Variants in OR6N1 observed in about 807,000 individuals in gnomAD.
OR6N1 encodes olfactory receptor 6N1.
For synonymous variants in OR6N1, 170 were observed against 150.7 expected (o/e 1.13, Z -0.94); for missense variants, 394 against 371.7 (o/e 1.06, Z -0.49).
At chr1:158,831,819 T>C in the OR6N1 span, among the ~76,000 whole-genome samples, 3 of 152,152 alleles carry the variant, frequency 2.0e-5, no homozygotes, top group African/African-American at 7.2e-5. Flanking sequence ...CATAAATTGA[T>C]ATTTAGAGGA....
the OR6N1 span, among the ~76,000 whole-genome samples, chr1:158,804,193 G>A: frequency 7.2e-5 from 11 of 152,284 alleles, no homozygotes; most frequent in South Asian, 8.3e-4. Flanking sequence ...TTTTAGGATT[G>A]TGCTGCAACA....
At chr1:158,834,889 A>G in the OR6N1 span, among the ~76,000 whole-genome samples, 3 of 152,202 alleles carry the variant, frequency 2.0e-5, no homozygotes, top group Admixed American at 2.0e-4. Context: ...TTCTCATTAA[A>G]CAGCCTTGAC....
At chr1:158,789,426 C>A in the OR6N1 span, among the ~76,000 whole-genome samples, 1 of 152,136 alleles carries the variant, frequency 6.6e-6, no homozygotes. Context: ...TACTGTTTTC[C>A]AAAGTGGCTG....
Position 158,765,610 on chromosome 1 carries a change from C to T in OR6N1, c.*134G>A, listed in dbSNP as rs946230487. On this transcript the variant is annotated 3_prime_UTR_variant, in exon 2 of 2. Transcript: ENST00000641846. ...TGAAGGTCGCTATAACACTGGAAGT[C>T]AGTCAGCACTTGCTGCAGCTCCACC... The T allele has an allele frequency of 2.7e-6, 2 of 738,992 alleles. No homozygotes were observed. Among genetic ancestry groups the T allele is most frequent in the African/African-American group, 1.8e-5 (1 of 57,016 alleles). The allele number at this position is 738,992 out of a possible 1,614,324, so 45.8% of individuals were successfully genotyped here. A position where few individuals can be genotyped will look rare whatever the true frequency, so the allele number is the denominator to read the frequency against.
chr1:158,779,859 A>T, the OR6N1 span, among the ~76,000 whole-genome samples: 1 of 152,202 alleles, frequency 6.6e-6, no homozygotes, highest in African/African-American at 2.4e-5. Flanking sequence ...TAATATTTAC[A>T]TTTAGCATAT....
chr1:158,805,694 T>A, the OR6N1 span, among the ~76,000 whole-genome samples: 1 of 152,134 alleles, frequency 6.6e-6, no homozygotes, highest in African/African-American at 2.4e-5. Context: ...GAGTACAGAA[T>A]GAAAGGCAAG....
chr1:158,795,416 C>T, the OR6N1 span, among the ~76,000 whole-genome samples: 1 of 152,178 alleles, frequency 6.6e-6, no homozygotes, highest in African/African-American at 2.4e-5. Flanking sequence ...GTCTGTAGCA[C>T]ACTTCTCACT....
chr1:158,814,106 C>A, the OR6N1 span, among the ~76,000 whole-genome samples: 1 of 152,032 alleles, frequency 6.6e-6, no homozygotes, highest in African/African-American at 2.4e-5. Flanking sequence ...CTTCTTGTCC[C>A]GGAATAACTA....
At chr1:158,812,044 C>A in the OR6N1 span, among the ~76,000 whole-genome samples, 96 of 152,294 alleles carry the variant, frequency 6.3e-4, no homozygotes, top group African/African-American at 2.2e-3. Flanking sequence ...TGAATGGTTG[C>A]AACTGCCATT....
chr1:158,822,881 C>T, the OR6N1 span, among the ~76,000 whole-genome samples: 28 of 152,082 alleles, frequency 1.8e-4, no homozygotes, highest in Admixed American at 1.8e-3. Context: ...GAGGTATGTT[C>T]CTTCAATGCC....
the OR6N1 span, among the ~76,000 whole-genome samples, chr1:158,795,847 T>G: frequency 6.6e-6 from 1 of 152,222 alleles, no homozygotes; most frequent in African/African-American, 2.4e-5. Flanking sequence ...TGCTGCACAC[T>G]ACTTCTTTCA....
the OR6N1 span, among the ~76,000 whole-genome samples, chr1:158,837,109 C>A: frequency 6.6e-6 from 1 of 151,778 alleles, no homozygotes; most frequent in Non-Finnish European, 1.5e-5. Flanking sequence ...TGTTTGGCAT[C>A]CTAATTTGTG....
chr1:158,810,374 T>A, the OR6N1 span, among the ~76,000 whole-genome samples: 2 of 152,112 alleles, frequency 1.3e-5, no homozygotes, highest in African/African-American at 4.8e-5. Context: ...TACCCCAAGA[T>A]ACTCCCCTAC....
At chr1:158,808,882 G>A in the OR6N1 span, 1 of 152,472 alleles carries the variant, frequency 6.6e-6, no homozygotes, top group East Asian at 1.9e-4. Flanking sequence ...CAGCTGAGAA[G>A]CCAGCCACCC....
At chr1:158,791,703 C>T in the OR6N1 span, among the ~76,000 whole-genome samples, 2 of 152,006 alleles carry the variant, frequency 1.3e-5, no homozygotes, top group Non-Finnish European at 2.9e-5. Flanking sequence ...CTCCTGACCT[C>T]GTGATTTGCC....
chr1:158,804,959 A>T, the OR6N1 span, among the ~76,000 whole-genome samples: 1 of 152,172 alleles, frequency 6.6e-6, no homozygotes, highest in East Asian at 1.9e-4. Flanking sequence ...ATTATTTTTT[A>T]AAATATAAGT....
the OR6N1 span, chr1:158,777,235 A>G: frequency 6.2e-7 from 1 of 1,614,142 alleles, no homozygotes; most frequent in Non-Finnish European, 8.5e-7. Context: ...GGTCATAATT[A>G]TAGGGTAGTG....
intron 1 of OR6N1, among the ~76,000 whole-genome samples, 176 bp downstream of exon 1, chr1:158,771,845 A>T (rs988792973): frequency 6.6e-6 from 1 of 152,262 alleles, no homozygotes; most frequent in Non-Finnish European, 1.5e-5. Flanking sequence ...ACTCTTCACT[A>T]TAGCATTTGA....
At chr1:158,829,819 A>G in the OR6N1 span, among the ~76,000 whole-genome samples, 1 of 152,222 alleles carries the variant, frequency 6.6e-6, no homozygotes, top group African/African-American at 2.4e-5. Context: ...TTAATGTTCC[A>G]CATGGCTGGG....
Sources: allele counts gnomAD v4.1 joint callset (sites outside exome capture counted in the v4.1 genomes callset), GRCh38; gene constraint gnomAD v4.1.1; transcripts MANE v1.5; gene names NCBI Gene and HGNC (gene_info 2026-07-23, HGNC 2026-07-21).